The following WSCD2 variants were observed in gnomAD, a reference collection of about 807,000 sequenced individuals.
WSCD2 encodes the protein WSC domain sialate O sulfotransferase 2.
In WSCD2, 28 loss-of-function variants were observed where a neutral mutation model predicts 55.7. That is an observed-to-expected ratio of 0.50 (90% CI 0.37 to 0.69). The LOEUF (loss-of-function observed/expected upper bound fraction) is 0.69. WSCD2 is among the 30% of genes least tolerant of loss of function. The pLI, the probability that WSCD2 is intolerant of heterozygous loss-of-function variation, is 0.00. For missense variants in WSCD2, 616 were observed against 762.1 expected, an observed-to-expected ratio of 0.81 and a Z score of 2.26; for synonymous variants, 301 against 301.9, an observed-to-expected ratio of 1.00 and a Z score of 0.03.
chr12:108,174,795 G>GT (rs929810744), intron 1 of WSCD2, among the ~76,000 whole-genome samples: 24 of 152,196 alleles, frequency 1.6e-4, no homozygotes, highest in Admixed American at 3.9e-4. Context: ...TAAAACGTGA[G>GT]TTTTTTTGCA....
intron 1 of WSCD2, among the ~76,000 whole-genome samples, chr12:108,166,785 CTTTCT>C (rs1372621493): frequency 1.5e-5 from 2 of 135,192 alleles, no homozygotes; most frequent in East Asian, 2.1e-4. Flanking sequence ...TTCTTTCTTT[CTTTCT>C]GTCTTTCTTT....
chr12:108,192,952 T>C (rs1565950563), intron 1 of WSCD2, among the ~76,000 whole-genome samples: 1 of 151,930 alleles, frequency 6.6e-6, no homozygotes, highest in Non-Finnish European at 1.5e-5. Context: ...TTTCTGGGCA[T>C]ATATCTATAG....
chr12:108,246,770 G>A (rs1228199668), intron 8 of WSCD2, among the ~76,000 whole-genome samples: 1 of 152,102 alleles, frequency 6.6e-6, no homozygotes, highest in East Asian at 1.9e-4. Context: ...CTTAAACCCT[G>A]CCCTCAGATA....
At chr12:108,236,458 A>C (rs1417136578) in intron 7 of WSCD2, among the ~76,000 whole-genome samples, 1 of 152,110 alleles carries the variant, frequency 6.6e-6, no homozygotes, top group Non-Finnish European at 1.5e-5. Flanking sequence ...CCAGAATCCA[A>C]ATGTCTGTCC....
intron 1 of WSCD2, among the ~76,000 whole-genome samples, chr12:108,188,796 G>T (rs998648304): frequency 2.0e-5 from 3 of 152,184 alleles, no homozygotes; most frequent in Non-Finnish European, 4.4e-5. Context: ...TTAAGACAGG[G>T]AATAGCTGCC....
At chr12:108,196,247 C>T (rs775795915) in intron 2 of WSCD2, 33 bp downstream of exon 2, 6 of 1,580,356 alleles carry the variant, frequency 3.8e-6, no homozygotes, top group Non-Finnish European at 5.2e-6. Flanking sequence ...CACTGAGGGG[C>T]TGGGGAGAAG....
intron 1 of WSCD2, among the ~76,000 whole-genome samples, chr12:108,162,960 T>C (rs1445536355): frequency 6.6e-6 from 1 of 152,218 alleles, no homozygotes; most frequent in East Asian, 1.9e-4. Flanking sequence ...TCACTTCACT[T>C]ACTCCTCACA....
intron 8 of WSCD2, among the ~76,000 whole-genome samples, chr12:108,246,019 A>C (rs1890055961): frequency 6.6e-6 from 1 of 152,226 alleles, no homozygotes; most frequent in Non-Finnish European, 1.5e-5. Flanking sequence ...ATTTAGTTCA[A>C]CAACCGTTCA....
intron 1 of WSCD2, among the ~76,000 whole-genome samples, chr12:108,191,238 A>G (rs1021573729): frequency 3.3e-5 from 5 of 152,182 alleles, no homozygotes; most frequent in African/African-American, 1.2e-4. Flanking sequence ...AAACCTTCAA[A>G]CACAGTATCC....
intron 3 of WSCD2, among the ~76,000 whole-genome samples, chr12:108,207,533 CTTTTTTTTTTTTTTT>C (rs35090663): frequency 1.9e-5 from 1 of 53,626 alleles, no homozygotes; most frequent in Admixed American, 2.4e-4. Flanking sequence ...CCATGCCTGG[CTTTTTTTTTTTTTTT>C]TTTTTTTTTT....
chr12:108,212,613 T>TCAGACACACA (rs1555235814), intron 4 of WSCD2, among the ~76,000 whole-genome samples: 1 of 138,546 alleles, frequency 7.2e-6, no homozygotes, highest in African/African-American at 2.9e-5. Context: ...TCTCTCTCTC[T>TCAGACACACA]CACACACACA....
intron 1 of WSCD2, among the ~76,000 whole-genome samples, chr12:108,166,760 CT>C (rs1555225179): frequency 0.24 from 6,033 of 25,562 alleles, 302 homozygotes; most frequent in East Asian, 0.43. Flanking sequence ...TTCTTTCTTT[CT>C]TTTCTTTCTT....
intron 6 of WSCD2, among the ~76,000 whole-genome samples, chr12:108,232,401 C>T (rs1888861556): frequency 6.6e-6 from 1 of 152,100 alleles, no homozygotes; most frequent in Non-Finnish European, 1.5e-5. Context: ...AAGACTTGCT[C>T]TGCTGGGGGG....
chr12:108,228,981 T>C (rs1238824299), intron 6 of WSCD2, among the ~76,000 whole-genome samples: 1 of 152,222 alleles, frequency 6.6e-6, no homozygotes, highest in African/African-American at 2.4e-5. Flanking sequence ...CCTGTGATCA[T>C]GAATGGCTTT....
At chr12:108,166,753 T>TTTCC (rs1565928707) in intron 1 of WSCD2, among the ~76,000 whole-genome samples, 6 of 45,940 alleles carry the variant, frequency 1.3e-4, no homozygotes, top group Non-Finnish European at 3.0e-4. Context: ...TCCTTCTTTC[T>TTTCC]TTCTTTCTTT....
chr12:108,239,775 CATGAT>C (rs1247162679), intron 7 of WSCD2, among the ~76,000 whole-genome samples: 1 of 152,208 alleles, frequency 6.6e-6, no homozygotes, highest in African/African-American at 2.4e-5. Context: ...ACTGCAGTGG[CATGAT>C]CATAGCTCAC....
chr12:108,185,432 G>A (rs1882344252), intron 1 of WSCD2, among the ~76,000 whole-genome samples: 2 of 152,062 alleles, frequency 1.3e-5, no homozygotes, highest in South Asian at 4.2e-4. Flanking sequence ...ATCCTCCCAT[G>A]ACTGTCTCCT....
intron 1 of WSCD2, among the ~76,000 whole-genome samples, chr12:108,191,752 G>T (rs1218052073): frequency 6.6e-6 from 1 of 152,130 alleles, no homozygotes; most frequent in Non-Finnish European, 1.5e-5. Context: ...GCGAGCCCCT[G>T]CCTCCTCCTA....
Position 108,129,917 on chromosome 12 carries a change from G to C in WSCD2, c.-561G>C, listed in dbSNP as rs993690829. 1 of 152,286 alleles carries C rather than the reference G, an allele frequency of 6.6e-6. No homozygotes were observed. Among genetic ancestry groups the C allele is most frequent in the Non-Finnish European group, 1.5e-5 (1 of 68,094 alleles). The allele number at this position is 152,286 out of a possible 1,614,324, so 9.4% of individuals were successfully genotyped here. A position where few individuals can be genotyped will look rare whatever the true frequency, so the allele number is the denominator to read the frequency against. On this transcript the variant is annotated 5_prime_UTR_variant, in exon 1 of 9. Transcript: ENST00000547525. ...GCTGGCAGAGTTTGCAAGTGGCGGA[G>C]ACCCTTCAGGTAAGGACTCAGGTGC...
Sources: allele counts gnomAD v4.1 joint callset (sites outside exome capture counted in the v4.1 genomes callset), GRCh38; gene constraint gnomAD v4.1.1; transcripts MANE v1.5; gene names NCBI Gene and HGNC (gene_info 2026-07-23, HGNC 2026-07-21).